Variants in CLIC4 observed in about 807,000 individuals in gnomAD.
CLIC4 encodes the protein chloride intracellular channel protein 4.
CLIC4 carries 13 observed loss-of-function variants against 24.6 expected under a neutral mutation model. That is an observed-to-expected ratio of 0.53 (90% CI 0.34 to 0.84). CLIC4 has a LOEUF of 0.84. CLIC4 is among the 40% of genes least tolerant of loss of function. CLIC4 has a pLI of 0.01. For missense variants in CLIC4, 227 were observed against 301.7 expected (o/e 0.75, Z 1.83); for synonymous variants, 104 against 111.3 (o/e 0.93, Z 0.41).
At chr1:24,771,745 T>A in intron 1 of CLIC4, 1 of 396,374 alleles carries the variant, frequency 2.5e-6, no homozygotes, top group South Asian at 2.0e-5. Flanking sequence ...AGACATGTAA[T>A]TGGGGTTTTG....
intron 4 of CLIC4, among the ~76,000 whole-genome samples, chr1:24,828,446 CACAG>C (rs1247230792): frequency 6.6e-6 from 1 of 152,122 alleles, no homozygotes; most frequent in African/African-American, 2.4e-5. Flanking sequence ...CCCTCCTTTC[CACAG>C]ACAGTGTCTT....
chr1:24,775,676 G>A (rs1172488081), intron 1 of CLIC4, among the ~76,000 whole-genome samples: 2 of 151,122 alleles, frequency 1.3e-5, no homozygotes, highest in East Asian at 1.9e-4. Flanking sequence ...ACATTTTTGT[G>A]TGTGATTTCT....
chr1:24,824,783 G>A (rs998168587), intron 3 of CLIC4, among the ~76,000 whole-genome samples: 1 of 152,032 alleles, frequency 6.6e-6, no homozygotes, highest in African/African-American at 2.4e-5. Context: ...AGGATCACTT[G>A]AGCCCAGGAG....
chr1:24,756,108 T>C (rs979141078), intron 1 of CLIC4, among the ~76,000 whole-genome samples: 2 of 151,394 alleles, frequency 1.3e-5, no homozygotes, highest in Middle Eastern at 6.8e-3. Flanking sequence ...CACGCCATTC[T>C]CCTGCCTCAG....
At chr1:24,831,048 A>T (rs1373446486) in intron 4 of CLIC4, among the ~76,000 whole-genome samples, 2 of 152,194 alleles carry the variant, frequency 1.3e-5, no homozygotes, top group African/African-American at 4.8e-5. Flanking sequence ...ATTGTATCAA[A>T]CTAATTCATC....
In CLIC4 at chr1:24,844,316, G is replaced by A. The variant is rs185491072; in HGVS notation, c.*3379G>A. 6.6e-6 allele frequency: 1 copy of A among 152,634 alleles called. No individual in the cohort carries two copies. The highest frequency in any genetic ancestry group is 1.9e-4 in the East Asian group (1 of 5,186). The allele number at this position is 152,634 out of a possible 1,614,324, so 9.5% of individuals were successfully genotyped here. A position where few individuals can be genotyped will look rare whatever the true frequency, so the allele number is the denominator to read the frequency against. ...TCATGAAAATAAACAACAACTTGGGGTAAAAGTGTTTGAGACTACTATTTT... is the reference window on the plus strand; with the variant it reads ...TCATGAAAATAAACAACAACTTGGGATAAAAGTGTTTGAGACTACTATTTT... On this transcript the variant is annotated 3_prime_UTR_variant, in exon 6 of 6. Transcript: ENST00000374379.
chr1:24,762,422 GA>G (rs985449925), intron 1 of CLIC4, among the ~76,000 whole-genome samples: 15 of 151,942 alleles, frequency 9.9e-5, no homozygotes, highest in Non-Finnish European at 1.8e-4. Flanking sequence ...TCTCTCTAAA[GA>G]AAAAAACAAG....
intron 1 of CLIC4, among the ~76,000 whole-genome samples, chr1:24,768,540 A>T (rs975176523): frequency 6.6e-5 from 10 of 151,804 alleles, no homozygotes; most frequent in African/African-American, 2.4e-4. Context: ...GAAGTCTTCT[A>T]ATTTTTCTAG....
chr1:24,754,259 CAG>C (rs1228484902), intron 1 of CLIC4, among the ~76,000 whole-genome samples: 3 of 152,192 alleles, frequency 2.0e-5, no homozygotes, highest in Admixed American at 2.0e-4. Flanking sequence ...AAAAGCTTAA[CAG>C]AGTATGAATA....
At chr1:24,790,737 CT>C (rs1476069700) in intron 1 of CLIC4, among the ~76,000 whole-genome samples, 1 of 152,186 alleles carries the variant, frequency 6.6e-6, no homozygotes, top group African/African-American at 2.4e-5. Context: ...TTTGGAGGCC[CT>C]GGTTTCCTCC....
At chr1:24,751,748 C>T (rs575499049) in intron 1 of CLIC4, among the ~76,000 whole-genome samples, 1 of 152,188 alleles carries the variant, frequency 6.6e-6, no homozygotes, top group Non-Finnish European at 1.5e-5. Flanking sequence ...CCTGTAATCC[C>T]GGCTACTCGG....
intron 3 of CLIC4, among the ~76,000 whole-genome samples, chr1:24,821,200 A>G (rs983817068): frequency 4.8e-5 from 7 of 146,902 alleles, no homozygotes; most frequent in Admixed American, 2.0e-4. Context: ...AGAAGAAGGA[A>G]AAAAAAAAAG....
At chr1:24,826,000 G>A (rs901671880) in intron 3 of CLIC4, among the ~76,000 whole-genome samples, 4 of 152,264 alleles carry the variant, frequency 2.6e-5, no homozygotes, top group African/African-American at 9.6e-5. Context: ...AATTCTTCTA[G>A]CCCTGACTCC....
chr1:24,753,578 A>G (rs866837671), intron 1 of CLIC4, among the ~76,000 whole-genome samples: 4 of 152,236 alleles, frequency 2.6e-5, no homozygotes, highest in African/African-American at 4.8e-5. Flanking sequence ...TATGCAGGAA[A>G]CAATTGGTAG....
chr1:24,814,207 T>C lies in CLIC4; in HGVS notation c.296T>C (p.Leu99Ser). The stretch of plus-strand genomic sequence containing the variant: ...ATTGAGGAATTTCTTGAAGAAGTCT[T>C]ATGCCCTCCCAAGTGAGTATCAAGG... ...NKIEEFLEEV[L>S]CPPKYLKLSP... is the part of the protein sequence containing the mutation. Residue 99 changes from leucine to serine, a missense_variant, in exon 3 of 6, where the codon TTA becomes TCA. Leu to Ser is a moderately radical substitution (Grantham distance 145). Coordinates refer to ENST00000374379, the MANE Select transcript of CLIC4 (RefSeq NM_013943.3). 1.2e-6 allele frequency: 2 copies of C among 1,613,386 alleles called. No homozygotes were observed. Among genetic ancestry groups the C allele is most frequent in the Non-Finnish European group, 1.7e-6 (2 of 1,179,818 alleles).
intron 2 of CLIC4, among the ~76,000 whole-genome samples, chr1:24,800,712 T>A (rs983391503): frequency 3.9e-5 from 6 of 152,198 alleles, no homozygotes; most frequent in Middle Eastern, 3.2e-3. Flanking sequence ...TTCATTTTGT[T>A]CTGCACTAAG....
intron 5 of CLIC4, 85 bp downstream of exon 5, chr1:24,840,126 T>C: frequency 1.5e-5 from 20 of 1,303,340 alleles, no homozygotes; most frequent in Non-Finnish European, 2.1e-5. Context: ...TCAAAACATT[T>C]CTGATTTTAT....
chr1:24,777,501 G>A lies in CLIC4; in HGVS notation c.73-20241G>A, dbSNP rs570117307. Among the ~76,000 whole-genome samples, 9 of 152,224 alleles carry A rather than the reference G, an allele frequency of 5.9e-5. No individual in the cohort carries two copies. In the Middle Eastern group the frequency reaches 0.01, roughly 173 times the overall value. ...GGAGGTTGCAGTGAGCCGAGATCACGCCGCTGCACTCTAGCCTGGGTGATA... is the reference window on the plus strand; with the variant it reads ...GGAGGTTGCAGTGAGCCGAGATCACACCGCTGCACTCTAGCCTGGGTGATA... On this transcript the variant is annotated intron_variant, in intron 1 of 5. Coordinates refer to ENST00000374379, the MANE Select transcript of CLIC4 (RefSeq NM_013943.3).
intron 1 of CLIC4, among the ~76,000 whole-genome samples, chr1:24,750,069 C>G (rs139871805): frequency 2.0e-3 from 308 of 152,132 alleles, no homozygotes; most frequent in Middle Eastern, 6.8e-3. Flanking sequence ...TGGGTGAGAC[C>G]CTATCTCTAA....
Sources: gnomAD v4.1 joint callset for allele counts (sites outside exome capture counted in the v4.1 genomes callset) on GRCh38, gnomAD v4.1.1 for gene constraint, MANE v1.5 for transcripts, NCBI Gene and HGNC (gene_info 2026-07-23, HGNC 2026-07-21) for gene names.